TRIOBP: variants seen among roughly 807,000 people sequenced by gnomAD.
The protein encoded by TRIOBP is TRIO and F-actin-binding protein.
A neutral mutation model predicts 238.8 loss-of-function variants in TRIOBP; 169 were observed. The observed-to-expected ratio is 0.71, with a 90% CI of 0.62 to 0.80. The LOEUF (loss-of-function observed/expected upper bound fraction) is 0.80, where lower values mean the gene tolerates loss of function less well. Ranked by LOEUF, TRIOBP falls within the 30% of genes least tolerant of loss-of-function variation. The probability of loss-of-function intolerance (pLI) is 0.00; values close to 1 mark genes in which losing one functional copy is unlikely to be tolerated. For missense variants in TRIOBP, 2,838 were observed against 3,122.6 expected, an observed-to-expected ratio of 0.91 and a Z score of 2.17; for synonymous variants, 1,150 against 1,274.4, an observed-to-expected ratio of 0.90 and a Z score of 2.08.
rs550547035 is a variant in TRIOBP, at chr22:37,704,600, G to A, written c.114+3121G>A. Among the ~76,000 whole-genome samples the A allele has an allele frequency of 3.3e-5, 5 of 151,716 alleles. No homozygotes were observed. The East Asian group carries it at 9.7e-4, about 29-fold the overall frequency. ...TTATTTAATCTTGGTTGTGATAAAT[G>A]TATAAAGGAACAGTAAGTGGCATGA... On this transcript the variant is annotated intron_variant, in intron 3 of 23. Coordinates refer to ENST00000644935, the MANE Select transcript of TRIOBP (RefSeq NM_001039141.3).
At chr22:37,717,465 G>A (rs996648593) in intron 6 of TRIOBP, among the ~76,000 whole-genome samples, 17 of 152,012 alleles carry the variant, frequency 1.1e-4, no homozygotes, top group African/African-American at 3.4e-4. Flanking sequence ...ACAGAGAGCC[G>A]AGTGGTCTGT....
intron 11 of TRIOBP, among the ~76,000 whole-genome samples, chr22:37,742,994 C>A (rs1925016203): frequency 1.3e-5 from 2 of 152,208 alleles, no homozygotes; most frequent in South Asian, 4.1e-4. Flanking sequence ...CCTGCTCTGG[C>A]TGACCTCAGA....
chr22:37,735,305 C>A lies in TRIOBP; in HGVS notation c.4969C>A (p.Pro1657Thr). Reference sequence around the variant, plus strand: ...CCAGAGCCCGGTCCAGCTGCCCAGCCCTGCCTGCACCTCCACCCAGTGGCC... The same window carrying A: ...CCAGAGCCCGGTCCAGCTGCCCAGCACTGCCTGCACCTCCACCCAGTGGCC... ...QSQSPVQLPS[P>T]ACTSTQWPKI... The change falls in exon 9 of 24, where the codon CCT (proline) becomes ACT (threonine). Residue 1657 changes from proline (P) to threonine (T), a missense_variant. Physicochemically the swap from Pro to Thr is conservative, Grantham distance 38. This residue lies in a region of TRIOBP where 2,096 missense variants were observed against 2,137.4 expected (regional missense o/e 0.98). Coordinates refer to ENST00000644935, the MANE Select transcript of TRIOBP (RefSeq NM_001039141.3). The A allele has an allele frequency of 6.2e-7, 1 of 1,612,456 alleles. No individual in the cohort carries two copies. Among genetic ancestry groups the A allele is most frequent in the Non-Finnish European group, 8.5e-7 (1 of 1,179,062 alleles).
intron 6 of TRIOBP, among the ~76,000 whole-genome samples, chr22:37,718,638 C>T (rs908842726): frequency 6.6e-6 from 1 of 152,064 alleles, no homozygotes; most frequent in African/African-American, 2.4e-5. Context: ...TACACCTAAC[C>T]CCAGTGAAAC....
intron 19 of TRIOBP, 79 bp from the exon 20 acceptor site, chr22:37,768,948 CT>C: frequency 6.2e-7 from 1 of 1,602,966 alleles, no homozygotes; most frequent in Non-Finnish European, 8.5e-7. Flanking sequence ...TCCTGGGATG[CT>C]TTAAGTCTAC....
chr22:37,756,537 A>G (rs961543591), intron 15 of TRIOBP, among the ~76,000 whole-genome samples: 1 of 152,148 alleles, frequency 6.6e-6, no homozygotes, highest in Admixed American at 6.5e-5. Flanking sequence ...GTGCAGTTGG[A>G]CTGTTATTTA....
At chr22:37,738,126 G>A (rs967932601) in intron 9 of TRIOBP, among the ~76,000 whole-genome samples, 4 of 152,238 alleles carry the variant, frequency 2.6e-5, no homozygotes, top group Admixed American at 6.5e-5. Context: ...GTGAATGTGT[G>A]AATGGATGAT....
intron 7 of TRIOBP, among the ~76,000 whole-genome samples, chr22:37,731,491 A>G (rs1344350835): frequency 1.4e-5 from 2 of 140,392 alleles, no homozygotes; most frequent in South Asian, 2.3e-4. Flanking sequence ...GGGTCTCACT[A>G]TGTCACCCAG....
chr22:37,754,904 T>C lies in TRIOBP; in HGVS notation c.5407T>C (p.Ser1803Pro). The C allele has an allele frequency of 2.5e-6, 4 of 1,614,052 alleles. No individual in the cohort carries two copies. Among genetic ancestry groups the C allele is most frequent in the Non-Finnish European group, 3.4e-6 (4 of 1,180,004 alleles). Residue 1803 changes from serine (S) to proline (P), a missense_variant, in exon 13 of 24, where the codon TCT becomes CCT. By Grantham distance (74) the Ser-to-Pro change is moderately conservative (BLOSUM62 -1). Coordinates refer to ENST00000644935, the MANE Select transcript of TRIOBP (RefSeq NM_001039141.3). ...TCCCTCCCCCTCGCTCACCACCACC[T>C]CTACTTCGCAGTGGAAGAAACATTG... Reference protein sequence around the residue: ...EPPSPSLTTTSTSQWKKHWFV... With the variant: ...EPPSPSLTTTPTSQWKKHWFV...
intron 4 of TRIOBP, among the ~76,000 whole-genome samples, chr22:37,712,694 C>T (rs1210569111): frequency 1.3e-5 from 2 of 151,798 alleles, no homozygotes; most frequent in Non-Finnish European, 2.9e-5. Context: ...CAGTGGCTCA[C>T]GCCTGTAATC....
chr22:37,705,584 G>GT (rs559062834), intron 3 of TRIOBP, among the ~76,000 whole-genome samples: 3,545 of 150,008 alleles, frequency 0.024, 122 homozygotes, highest in African/African-American at 0.078. Flanking sequence ...TTTTGTTTTT[G>GT]TTTTTTTTTG....
chr22:37,751,704 G>T (rs1056859744), intron 11 of TRIOBP, 68 bp from the exon 12 acceptor site: 9 of 1,564,314 alleles, frequency 5.8e-6, no homozygotes, highest in Non-Finnish European at 7.9e-6. Context: ...GGTGCAGCAC[G>T]CTCCCCTCAC....
At chr22:37,721,151 C>T (rs1012244847) in intron 6 of TRIOBP, among the ~76,000 whole-genome samples, 1 of 151,254 alleles carries the variant, frequency 6.6e-6, no homozygotes, top group African/African-American at 2.4e-5. Context: ...TTACAGGCAT[C>T]AGCCACTGCT....
chr22:37,716,726 T>C (rs1601625492), intron 6 of TRIOBP, among the ~76,000 whole-genome samples: 1 of 152,200 alleles, frequency 6.6e-6, no homozygotes, highest in Non-Finnish European at 1.5e-5. Context: ...CTCTAAATAG[T>C]AGGGAGCCAC....
chr22:37,766,320 C>T (rs181118626), intron 18 of TRIOBP, among the ~76,000 whole-genome samples: 49 of 152,108 alleles, frequency 3.2e-4, no homozygotes, highest in East Asian at 1.2e-3. Context: ...CTCCTGCCAC[C>T]GCACACCTGC....
chr22:37,748,209 A>G (rs1443936533), intron 11 of TRIOBP, among the ~76,000 whole-genome samples: 2 of 152,142 alleles, frequency 1.3e-5, no homozygotes. Flanking sequence ...CACCATTAAT[A>G]GTGTTCATTG....
intron 5 of TRIOBP, among the ~76,000 whole-genome samples, chr22:37,715,337 GTTTTGTTTTTCT>G (rs1923458028): frequency 6.8e-6 from 1 of 147,078 alleles, no homozygotes. Flanking sequence ...GTTTTTTTTT[GTTTTGTTTTTCT>G]TTTTGTTTTT....
chr22:37,713,175 T>A (rs1435151016), intron 4 of TRIOBP, 35 bp from the exon 5 acceptor site: 2 of 1,584,858 alleles, frequency 1.3e-6, no homozygotes, highest in Admixed American at 1.8e-5. Flanking sequence ...TGCTCCTAAC[T>A]CCCCATTACT....
In TRIOBP at chr22:37,772,584, T is replaced by C. The variant is rs753017234; in HGVS notation, c.6937-17T>C. The C allele has an allele frequency of 3.7e-6, 6 of 1,613,868 alleles. No homozygotes were observed. In the Admixed American group the frequency reaches 1.0e-4, roughly 27 times the overall value. ...GGGAGAGACTTCATGCCCTCATACC[T>C]GCCTCCTGCCCCCCAGGACAAGCGC... On this transcript the variant is annotated splice_polypyrimidine_tract_variant and intron_variant, in intron 22 of 23. Transcript: ENST00000644935.
Sources: gnomAD v4.1 joint callset for allele counts (sites outside exome capture counted in the v4.1 genomes callset) on GRCh38, gnomAD v4.1.1 for gene constraint, gnomAD v4.1.1 regional missense constraint, MANE v1.5 for transcripts, NCBI Gene and HGNC (gene_info 2026-07-23, HGNC 2026-07-21) for gene names.